The following KCTD8 variants were observed in gnomAD, a reference collection of about 807,000 sequenced individuals.
The protein encoded by KCTD8 is potassium channel tetramerization domain containing 8, also known as BTB/POZ domain-containing protein KCTD8.
A neutral mutation model predicts 31.5 loss-of-function variants in KCTD8; 27 were observed. That is an observed-to-expected ratio of 0.86 (90% confidence interval 0.63 to 1.18). The LOEUF is 1.18. Ranked by LOEUF, KCTD8 falls within the 50% of genes most tolerant of loss-of-function variation. The pLI, the probability that KCTD8 is intolerant of heterozygous loss-of-function variation, is 0.00. For missense variants in KCTD8, 658 were observed against 647.7 expected (o/e 1.02, Z -0.17); for synonymous variants, 290 against 280.0 (o/e 1.04, Z -0.36).
intron 1 of KCTD8, among the ~76,000 whole-genome samples, chr4:44,346,197 T>C (rs1719032822): frequency 1.3e-5 from 2 of 152,218 alleles, no homozygotes; most frequent in South Asian, 4.1e-4. Context: ...TGTACATTTC[T>C]ATATCTCGAA....
At chr4:44,355,675 C>A (rs527789894) in intron 1 of KCTD8, among the ~76,000 whole-genome samples, 1 of 152,038 alleles carries the variant, frequency 6.6e-6, no homozygotes, top group African/African-American at 2.4e-5. Flanking sequence ...TTCTGTGTAG[C>A]GTATTTAGAT....
rs531110613 is a variant in KCTD8 at position 44,344,097 on chromosome 4, T to C, written c.961+103466A>G. Among the ~76,000 whole-genome samples the C allele has an allele frequency of 2.6e-5, 4 of 152,202 alleles. No individual in the cohort carries two copies. The South Asian group carries it at 8.3e-4, about 32-fold the overall frequency. ...TGGTCTTGATTTCTTGACCTTGTGA[T>C]CCACCCACCTCCGCCTCCCAAAGTA... On this transcript the variant is annotated intron_variant, in intron 1 of 1. Transcript: ENST00000360029.
chr4:44,328,913 A>T (rs1718522164), intron 1 of KCTD8, among the ~76,000 whole-genome samples: 1 of 151,920 alleles, frequency 6.6e-6, no homozygotes. Flanking sequence ...ACTGGGTTCC[A>T]GTCCCCATTC....
At chr4:44,289,258 T>C (rs1717198087) in intron 1 of KCTD8, among the ~76,000 whole-genome samples, 1 of 151,418 alleles carries the variant, frequency 6.6e-6, no homozygotes, top group African/African-American at 2.4e-5. Context: ...CTATTAATAT[T>C]ATATAGAATA....
chr4:44,394,150 A>C (rs1577652517), intron 1 of KCTD8, among the ~76,000 whole-genome samples: 1 of 152,174 alleles, frequency 6.6e-6, no homozygotes, highest in South Asian at 2.1e-4. Context: ...CGAGTAGTAA[A>C]CTCAAATGAT....
At chr4:44,420,202 G>A (rs1320170561) in intron 1 of KCTD8, among the ~76,000 whole-genome samples, 1 of 151,508 alleles carries the variant, frequency 6.6e-6, no homozygotes, top group Non-Finnish European at 1.5e-5. Flanking sequence ...TAGAGATAGA[G>A]ACAATGAAGG....
At chr4:44,333,064 G>A (rs978423750) in intron 1 of KCTD8, among the ~76,000 whole-genome samples, 27 of 152,076 alleles carry the variant, frequency 1.8e-4, no homozygotes, top group African/African-American at 6.0e-4. Flanking sequence ...TGATTGTAGA[G>A]TCTGTCATTC....
intron 1 of KCTD8, among the ~76,000 whole-genome samples, chr4:44,235,781 G>T (rs1483770930): frequency 1.3e-5 from 2 of 151,700 alleles, no homozygotes; most frequent in Non-Finnish European, 1.5e-5. Context: ...TTTAAAGAGT[G>T]ATGAGTCAAT....
intron 1 of KCTD8, among the ~76,000 whole-genome samples, chr4:44,395,714 T>C (rs1720486597): frequency 6.6e-6 from 1 of 152,118 alleles, no homozygotes; most frequent in African/African-American, 2.4e-5. Context: ...GTTCGTACTT[T>C]TACTATTTTC....
In KCTD8 at chr4:44,288,795, T is replaced by C. The variant is rs546804645; in HGVS notation, c.962-113545A>G. Among the ~76,000 whole-genome samples, 5 of 152,126 alleles carry C rather than the reference T, an allele frequency of 3.3e-5. No homozygotes were observed. In the South Asian group the frequency reaches 1.0e-3, roughly 32 times the overall value. ...AAATTAATTTCTTTCTGACTACCTA[T>C]CTCACCTACCCTCTTCCTTTCTGCA... On this transcript the variant is annotated intron_variant, in intron 1 of 1. Transcript: ENST00000360029.
At chr4:44,319,461 T>TA (rs752761296) in intron 1 of KCTD8, among the ~76,000 whole-genome samples, 3,477 of 136,440 alleles carry the variant, frequency 0.025, 50 homozygotes, top group African/African-American at 0.045. Context: ...ACCCCTGTGG[T>TA]AAAAAAAAAA....
intron 1 of KCTD8, among the ~76,000 whole-genome samples, chr4:44,256,595 T>A (rs1005935665): frequency 1.3e-5 from 2 of 151,914 alleles, no homozygotes; most frequent in African/African-American, 4.8e-5. Flanking sequence ...ATTTTGTTGG[T>A]GTGATTAAAT....
chr4:44,280,469 G>A (rs1008768458), intron 1 of KCTD8, among the ~76,000 whole-genome samples: 19 of 152,046 alleles, frequency 1.2e-4, no homozygotes, highest in Admixed American at 3.3e-4. Context: ...TCAAACACTC[G>A]AACTTCAGGG....
At chr4:44,178,275 T>C (rs770172201) in intron 1 of KCTD8, among the ~76,000 whole-genome samples, 39 of 152,288 alleles carry the variant, frequency 2.6e-4, no homozygotes, top group Non-Finnish European at 4.1e-4. Flanking sequence ...ATATCAGTGG[T>C]ATTTTTTGAA....
chr4:44,323,500 A>ACC (rs1296639386), intron 1 of KCTD8, among the ~76,000 whole-genome samples: 25,268 of 81,430 alleles, frequency 0.31, 3,477 homozygotes, highest in Middle Eastern at 0.41. Flanking sequence ...ATCCCCACCC[A>ACC]CCCCCCCCCA....
At chr4:44,187,946 G>A (rs1713636480) in intron 1 of KCTD8, among the ~76,000 whole-genome samples, 1 of 149,920 alleles carries the variant, frequency 6.7e-6, no homozygotes, top group South Asian at 2.1e-4. Flanking sequence ...AGCAGAGGTT[G>A]TGGAAGAGGT....
intron 1 of KCTD8, among the ~76,000 whole-genome samples, chr4:44,295,976 T>C (rs1334596042): frequency 6.6e-6 from 1 of 152,200 alleles, no homozygotes; most frequent in Non-Finnish European, 1.5e-5. Flanking sequence ...TTGAAACTAC[T>C]CTACCCAACT....
intron 1 of KCTD8, among the ~76,000 whole-genome samples, chr4:44,188,311 T>C (rs953141177): frequency 4.6e-5 from 7 of 152,214 alleles, no homozygotes; most frequent in Admixed American, 4.6e-4. Context: ...TATATGTGCA[T>C]AGCAGGGTTT....
At chr4:44,255,818 T>C (rs1715975005) in intron 1 of KCTD8, among the ~76,000 whole-genome samples, 1 of 151,978 alleles carries the variant, frequency 6.6e-6, no homozygotes, top group South Asian at 2.1e-4. Flanking sequence ...ACATCTCTAT[T>C]ACTTTGACAT....
Sources: gnomAD v4.1 joint callset for allele counts (sites outside exome capture counted in the v4.1 genomes callset) on GRCh38, gnomAD v4.1.1 for gene constraint, MANE v1.5 for transcripts, NCBI Gene and HGNC (gene_info 2026-07-23, HGNC 2026-07-21) for gene names.